Variants in ARHGAP36 observed in about 807,000 individuals in gnomAD.
ARHGAP36 encodes rho GTPase-activating protein 36.
ARHGAP36 carries 7 observed loss-of-function variants against 32.9 expected under a neutral mutation model. The ratio of observed to expected loss-of-function variants is 0.21; its 90% CI spans 0.12 to 0.40. The LOEUF (loss-of-function observed/expected upper bound fraction) is 0.40, where lower values mean the gene tolerates loss of function less well. ARHGAP36 is among the 10% of genes least tolerant of loss of function. The pLI is 1.00. For missense variants in ARHGAP36, 383 were observed against 442.2 expected (o/e 0.87, Z 1.20); for synonymous variants, 165 against 168.3 (o/e 0.98, Z 0.15).
Position 131,088,837 on chromosome X carries a change from C to T in ARHGAP36, c.*52C>T. The T allele has an allele frequency of 8.7e-7, 1 of 1,155,543 alleles. No individual in the cohort carries two copies. Among genetic ancestry groups the T allele is most frequent in the Non-Finnish European group, 1.2e-6 (1 of 868,369 alleles). The stretch of plus-strand genomic sequence containing the variant: ...ACAGGGGAAAAGGGTGGGGGTACAT[C>T]TGGGATGTCACAGGAAACATTAAGG... On this transcript the variant is annotated 3_prime_UTR_variant, in exon 12 of 12. Coordinates refer to ENST00000276211, the MANE Select transcript of ARHGAP36 (RefSeq NM_144967.4).
At chrX:131,080,329 G>A (rs780666101) in intron 1 of ARHGAP36, among the ~76,000 whole-genome samples, 2 of 110,126 alleles carry the variant, frequency 1.8e-5, no homozygotes, top group African/African-American at 6.6e-5. Context: ...TATCTTGGAG[G>A]TCTAACATCA....
chrX:131,064,574 G>A (rs781248574), intron 1 of ARHGAP36, among the ~76,000 whole-genome samples: 2 of 111,900 alleles, frequency 1.8e-5, no homozygotes, highest in African/African-American at 6.5e-5. Flanking sequence ...ACCTCCTTTA[G>A]TCATCTGAGC....
chrX:131,059,319 C>T (rs1198920632), intron 1 of ARHGAP36, among the ~76,000 whole-genome samples: 1 of 108,262 alleles, frequency 9.2e-6, no homozygotes, highest in Non-Finnish European at 1.9e-5. Context: ...TCCTTCACTC[C>T]CCCTTGATAA....
Position 131,083,797 on chromosome X carries a change from G to T in ARHGAP36, c.383G>T (p.Arg128Leu), listed in dbSNP as rs1484991750. The T allele has an allele frequency of 8.2e-7, 1 of 1,212,281 alleles. No individual in the cohort carries two copies. The highest frequency in any genetic ancestry group is 1.1e-6 in the Non-Finnish European group (1 of 895,643). Reference protein sequence around the residue: ...EEVLVNEFTRRKHLELTATMQ... With the variant: ...EEVLVNEFTRLKHLELTATMQ... ...GTCCTGGTGAACGAGTTTACCCGCC[G>T]CAAGCATCTTGAACTGACAGCCACG... The change falls in exon 4 of 12, where the codon CGC (arginine) becomes CTC (leucine). Residue 128 changes from arginine (R) to leucine (L), a missense_variant. Arg to Leu is a moderately radical substitution (Grantham distance 102). Coordinates refer to ENST00000276211, the MANE Select transcript of ARHGAP36 (RefSeq NM_144967.4).
rs781199625 is a variant in ARHGAP36, at chrX:131,065,748, A to C, written c.-143+7304A>C. 6.3e-5 allele frequency among the ~76,000 whole-genome samples: 7 copies of C among 111,735 alleles called. No homozygotes were observed. The East Asian group carries it at 2.0e-3, about 31-fold the overall frequency. On this transcript the variant is annotated intron_variant, in intron 1 of 11. Transcript: ENST00000276211. Reference sequence around the variant, plus strand: ...TGTGCCCACCCAGGATGAGGTGCTGACCCAGGCCCAGCTGGGGGGAAGCTT... The same window carrying C: ...TGTGCCCACCCAGGATGAGGTGCTGCCCCAGGCCCAGCTGGGGGGAAGCTT...
intron 1 of ARHGAP36, among the ~76,000 whole-genome samples, chrX:131,074,624 A>G (rs991474843): frequency 1.2e-4 from 14 of 112,222 alleles, no homozygotes; most frequent in African/African-American, 4.5e-4. Flanking sequence ...CCTTAAAAGA[A>G]CAAAGGAAAG....
chrX:131,080,902 C>A (rs1267103761), intron 1 of ARHGAP36, among the ~76,000 whole-genome samples: 2 of 111,774 alleles, frequency 1.8e-5, no homozygotes, highest in Non-Finnish European at 3.8e-5. Flanking sequence ...TGTTTTTCTT[C>A]ACATAGTTGC....
intron 1 of ARHGAP36, among the ~76,000 whole-genome samples, chrX:131,075,570 T>TAC (rs376262685): frequency 5.6e-5 from 6 of 107,176 alleles, no homozygotes; most frequent in South Asian, 4.2e-4. Flanking sequence ...AATATATATA[T>TAC]ACACACACAC....
intron 1 of ARHGAP36, among the ~76,000 whole-genome samples, chrX:131,073,227 T>G (rs966340468): frequency 8.9e-6 from 1 of 112,679 alleles, no homozygotes; most frequent in Non-Finnish European, 1.9e-5. Flanking sequence ...CAGGAAGCAG[T>G]GAGTGGTTTC....
At position 131,086,790 on chromosome X, in the gene ARHGAP36, A is replaced by G. The variant is rs952200078; in HGVS notation, c.1486+125A>G. The G allele has an allele frequency of 2.4e-5, 12 of 508,272 alleles. No homozygotes were observed. In the African/African-American group the frequency reaches 2.6e-4, roughly 11 times the overall value. 41.9% of individuals were successfully genotyped at this position (508,272 alleles called of 1,213,427 possible). On this transcript the variant is annotated intron_variant, in intron 11 of 11. Coordinates refer to ENST00000276211, the MANE Select transcript of ARHGAP36 (RefSeq NM_144967.4). ...TTGAGGAAGATGAGTCCTCTGAGGA[A>G]GATGAAGAGCTAGTATTTGAATATC...
chrX:131,077,469 TG>T (rs200072262), intron 1 of ARHGAP36, among the ~76,000 whole-genome samples: 1,981 of 110,390 alleles, frequency 0.018, 12 homozygotes, highest in South Asian at 0.049. Flanking sequence ...AACTATTTTA[TG>T]GGGGTAATGG....
intron 1 of ARHGAP36, among the ~76,000 whole-genome samples, chrX:131,076,123 A>G (rs1235170404): frequency 8.9e-6 from 1 of 112,029 alleles, no homozygotes; most frequent in East Asian, 2.8e-4. Flanking sequence ...TTGAACATCT[A>G]TTGTGTGCTA....
intron 1 of ARHGAP36, among the ~76,000 whole-genome samples, chrX:131,069,126 C>T (rs191240354): frequency 8.9e-6 from 1 of 112,043 alleles, no homozygotes; most frequent in African/African-American, 3.2e-5. Context: ...TGGTTCTGGC[C>T]GCACAGCCCC....
At chrX:131,069,465 C>T (rs2079721295) in intron 1 of ARHGAP36, among the ~76,000 whole-genome samples, 1 of 111,704 alleles carries the variant, frequency 9.0e-6, no homozygotes, top group Non-Finnish European at 1.9e-5. Flanking sequence ...GAGGAAGTAA[C>T]ATATGTGAAG....
intron 2 of ARHGAP36, among the ~76,000 whole-genome samples, chrX:131,082,420 C>T (rs1375222591): frequency 4.4e-5 from 5 of 112,491 alleles, no homozygotes; most frequent in Non-Finnish European, 9.4e-5. Flanking sequence ...AGGAGGTGCG[C>T]CTCTAGCACT....
intron 2 of ARHGAP36, 57 bp from the exon 3 acceptor site, chrX:131,083,108 T>C: frequency 9.0e-7 from 1 of 1,112,545 alleles, no homozygotes. Context: ...TGGGATGTTT[T>C]AGTCACTTAT....
intron 1 of ARHGAP36, among the ~76,000 whole-genome samples, chrX:131,074,974 T>C (rs924742872): frequency 1.8e-5 from 2 of 112,606 alleles, no homozygotes; most frequent in African/African-American, 6.5e-5. Flanking sequence ...ATACAGTTCA[T>C]CTTATCCCAT....
chrX:131,061,048 A>C (rs1055515242), intron 1 of ARHGAP36, among the ~76,000 whole-genome samples: 1 of 111,246 alleles, frequency 9.0e-6, no homozygotes, highest in Non-Finnish European at 1.9e-5. Flanking sequence ...CTGTCAGCTG[A>C]CTGGACAGAA....
rs768474389 is a variant in ARHGAP36 at position 131,086,705 on chromosome X, A to T, written c.1486+40A>T. 2.6e-6 allele frequency: 3 copies of T among 1,162,300 alleles called. No homozygotes were observed. In the East Asian group the frequency reaches 8.9e-5, roughly 35 times the overall value. ...GGAGGTCAGGCCCTTGCTGAAGGTC[A>T]GTCCCTTGTTGAAGGTCAGGCCCTT... On this transcript the variant is annotated intron_variant, in intron 11 of 11. Transcript: ENST00000276211.
Sources: allele counts gnomAD v4.1 joint callset (sites outside exome capture counted in the v4.1 genomes callset), GRCh38; gene constraint gnomAD v4.1.1; transcripts MANE v1.5; gene names NCBI Gene and HGNC (gene_info 2026-07-23, HGNC 2026-07-21).